Variants in GLIPR2 observed in about 807,000 individuals in gnomAD.
GLIPR2 encodes the protein GLI pathogenesis related 2.
A neutral mutation model predicts 20.4 loss-of-function variants in GLIPR2; 21 were observed. The ratio of observed to expected loss-of-function variants is 1.03; its 90% CI spans 0.73 to 1.48. GLIPR2 has a LOEUF of 1.48. Ranked by LOEUF, GLIPR2 falls within the 40% of genes most tolerant of loss-of-function variation. The pLI, the probability that GLIPR2 is intolerant of heterozygous loss-of-function variation, is 0.00. For missense variants in GLIPR2, 205 were observed against 200.1 expected, an observed-to-expected ratio of 1.02 and a Z score of -0.15; for synonymous variants, 91 against 80.5, an observed-to-expected ratio of 1.13 and a Z score of -0.70.
chr9:36,147,800 C>T lies in GLIPR2; in HGVS notation c.28C>T (p.His10Tyr), dbSNP rs1435808014. 1 of 1,538,234 alleles carries T rather than the reference C, an allele frequency of 6.5e-7. No homozygotes were observed. Among genetic ancestry groups the T allele is most frequent in the East Asian group, 2.2e-5 (1 of 44,520 alleles). Reference sequence around the variant, plus strand: ...AATCATTCCAGCTTCCAAACAGTTTCATAATGAGGTCCTGAAGGCCCACAA... The same window carrying T: ...AATCATTCCAGCTTCCAAACAGTTTTATAATGAGGTCCTGAAGGCCCACAA... MGKSASKQF[H>Y]NEVLKAHNEY... The change falls in exon 2 of 5, where the codon CAT becomes TAT. Residue 10 changes from histidine (H) to tyrosine (Y), a missense_variant. Coordinates refer to ENST00000377960, the MANE Select transcript of GLIPR2 (RefSeq NM_022343.4).
At chr9:36,150,063 A>T (rs1228039223) in intron 3 of GLIPR2, among the ~76,000 whole-genome samples, 1 of 152,164 alleles carries the variant, frequency 6.6e-6, no homozygotes, top group Non-Finnish European at 1.5e-5. Context: ...CAAACAAAAA[A>T]TGCCTGAGTC....
At chr9:36,158,019 G>A (rs1825911137) in intron 4 of GLIPR2, among the ~76,000 whole-genome samples, 1 of 151,996 alleles carries the variant, frequency 6.6e-6, no homozygotes, top group Non-Finnish European at 1.5e-5. Flanking sequence ...CATCACATTG[G>A]CCAGGGTGGT....
chr9:36,143,247 C>G (rs1048700628), intron 1 of GLIPR2, among the ~76,000 whole-genome samples: 1 of 152,180 alleles, frequency 6.6e-6, no homozygotes, highest in Non-Finnish European at 1.5e-5. Context: ...GCCACCTACT[C>G]CTCTGTCTCC....
In GLIPR2 at chr9:36,142,702, T is replaced by C. The variant is rs555217919; in HGVS notation, c.14-5084T>C. On this transcript the variant is annotated intron_variant, in intron 1 of 4. Transcript: ENST00000377960. Reference sequence around the variant, plus strand: ...AACTGGGAGATGGACGACTTTTCTTTGACTTTTTCTTCCTCCTCTTTATCT... The same window carrying C: ...AACTGGGAGATGGACGACTTTTCTTCGACTTTTTCTTCCTCCTCTTTATCT... 1.6e-3 allele frequency among the ~76,000 whole-genome samples: 242 copies of C among 152,222 alleles called. No homozygotes were observed. In the Middle Eastern group the frequency reaches 0.017, roughly 11 times the overall value.
chr9:36,158,036 C>T (rs1264806629), intron 4 of GLIPR2, among the ~76,000 whole-genome samples: 1 of 152,122 alleles, frequency 6.6e-6, no homozygotes, highest in Non-Finnish European at 1.5e-5. Context: ...TGGTCTTGAA[C>T]TCCTGACCTC....
intron 4 of GLIPR2, among the ~76,000 whole-genome samples, chr9:36,154,434 C>CAAG (rs1825740919): frequency 6.6e-6 from 1 of 152,102 alleles, no homozygotes; most frequent in Admixed American, 6.6e-5. Context: ...GAGCGTATGA[C>CAAG]CTGTTTTATG....
At chr9:36,144,593 A>T (rs1825245651) in intron 1 of GLIPR2, 1 of 152,052 alleles carries the variant, frequency 6.6e-6, no homozygotes, top group South Asian at 2.1e-4. Flanking sequence ...TTCCACCTCC[A>T]TGTCTCCCCA....
intron 1 of GLIPR2, 138 bp from the exon 2 acceptor site, chr9:36,147,648 G>A (rs2132735735): frequency 3.0e-6 from 2 of 670,240 alleles, no homozygotes; most frequent in Middle Eastern, 2.5e-4. Context: ...CTTGGCTGGG[G>A]TGCCAGGTGT....
Position 36,158,233 on chromosome 9 carries a change from T to C in GLIPR2, c.305-4129T>C, listed in dbSNP as rs190744902. On this transcript the variant is annotated intron_variant, in intron 4 of 4. Coordinates refer to ENST00000377960, the MANE Select transcript of GLIPR2 (RefSeq NM_022343.4). ...ACCTAGAAGTGGAATTGCTGAGTCA[T>C]TGCAATTCTGTTTAATTTTTTGAGG... 5.7e-3 allele frequency among the ~76,000 whole-genome samples: 865 copies of C among 152,350 alleles called. 5 individuals carry two copies. The highest frequency in any genetic ancestry group is 9.6e-3 in the Admixed American group (147 of 15,306).
rs1355061265 is a variant in GLIPR2, at chr9:36,162,776, TC to T, written c.*256del. The T allele has an allele frequency of 1.9e-6, 1 of 534,740 alleles. No homozygotes were observed. The highest frequency in any genetic ancestry group is 3.8e-5 in the East Asian group (1 of 26,414). The allele number at this position is 534,740 out of a possible 1,614,324, so 33.1% of individuals were successfully genotyped here. A position where few individuals can be genotyped will look rare whatever the true frequency, so the allele number is the denominator to read the frequency against. On this transcript the variant is annotated 3_prime_UTR_variant, in exon 5 of 5. Coordinates refer to ENST00000377960, the MANE Select transcript of GLIPR2 (RefSeq NM_022343.4). ...TTATTTGGATTGGGGGGAGGGGGGA[TC>T]CGTTTTTTTTTTTTAATTTTTTGTT...
At position 36,147,856 on chromosome 9, in the gene GLIPR2, A is replaced by C; in HGVS notation, c.84A>C (p.Pro28=). 1.3e-6 allele frequency: 2 copies of C among 1,593,312 alleles called. No homozygotes were observed. Among genetic ancestry groups the C allele is most frequent in the Non-Finnish European group, 1.7e-6 (2 of 1,161,064 alleles). The change falls in exon 2 of 5, where the codon CCA becomes CCC. Residue 28 remains proline, a synonymous_variant. Transcript: ENST00000377960. ...NEYRQKHGVP[P]LKLCKNLNRE... is the part of the protein sequence containing the mutation. ...ACCGGCAGAAGCACGGCGTCCCCCCACTGAAGCTCTGCAAGAACCTCAACC... is the reference window on the plus strand; with the variant it reads ...ACCGGCAGAAGCACGGCGTCCCCCCCCTGAAGCTCTGCAAGAACCTCAACC...
At chr9:36,148,935 G>A (rs553705191) in intron 3 of GLIPR2, among the ~76,000 whole-genome samples, 1 of 152,318 alleles carries the variant, frequency 6.6e-6, no homozygotes, top group South Asian at 2.1e-4. Flanking sequence ...AGGAGTGGGG[G>A]TTGGGGAGAC....
chr9:36,152,075 T>C (rs1184201236), intron 4 of GLIPR2, among the ~76,000 whole-genome samples: 2 of 152,204 alleles, frequency 1.3e-5, no homozygotes, highest in African/African-American at 4.8e-5. Flanking sequence ...GGTGGGGGTT[T>C]CTGCAACCAT....
chr9:36,148,429 T>A (rs1825435088), intron 2 of GLIPR2, 118 bp from the exon 3 acceptor site: 2 of 662,338 alleles, frequency 3.0e-6, no homozygotes, highest in African/African-American at 3.6e-5. Flanking sequence ...CATGCAAGAG[T>A]GGTGCTCCTC....
At position 36,162,774 on chromosome 9, in the gene GLIPR2, G is replaced by A. The variant is rs932279387; in HGVS notation, c.*252G>A. On this transcript the variant is annotated 3_prime_UTR_variant, in exon 5 of 5. Transcript: ENST00000377960. The stretch of plus-strand genomic sequence containing the variant: ...GATTATTTGGATTGGGGGGAGGGGG[G>A]ATCCGTTTTTTTTTTTTAATTTTTT... 2 of 560,138 alleles carry A rather than the reference G, an allele frequency of 3.6e-6. No homozygotes were observed. Among genetic ancestry groups the A allele is most frequent in the Non-Finnish European group, 6.4e-6 (2 of 314,310 alleles). The allele number at this position is 560,138 out of a possible 1,614,324, so 34.7% of individuals were successfully genotyped here.
chr9:36,159,072 A>AG (rs1825951657), intron 4 of GLIPR2, among the ~76,000 whole-genome samples: 1 of 152,204 alleles, frequency 6.6e-6, no homozygotes, highest in African/African-American at 2.4e-5. Context: ...CTCAAAAAAA[A>AG]AAGAATTTAT....
rs73438832 is a variant in GLIPR2 at position 36,142,040 on chromosome 9, T to G, written c.13+5249T>G. ...ATTTTAAGTCCCAAGTCTGGCCCCC[T>G]GGTAACCTGCACTCTGCAGTCCCTG... is the stretch of plus-strand genomic sequence containing the variant. On this transcript the variant is annotated intron_variant, in intron 1 of 4. Coordinates refer to ENST00000377960, the MANE Select transcript of GLIPR2 (RefSeq NM_022343.4). 9.3e-3 allele frequency among the ~76,000 whole-genome samples: 1,420 copies of G among 152,188 alleles called. 16 individuals are homozygous for G. The highest frequency in any genetic ancestry group is 0.031 in the African/African-American group (1,291 of 41,526).
intron 2 of GLIPR2, 55 bp from the exon 3 acceptor site, chr9:36,148,492 C>T (rs934566616): frequency 3.0e-5 from 40 of 1,332,958 alleles, no homozygotes; most frequent in Non-Finnish European, 4.3e-5. Flanking sequence ...GGGGCACATA[C>T]TTTGGGGGTT....
chr9:36,149,660 G>A (rs1825496368), intron 3 of GLIPR2, among the ~76,000 whole-genome samples: 1 of 152,202 alleles, frequency 6.6e-6, no homozygotes, highest in Non-Finnish European at 1.5e-5. Flanking sequence ...TCTACAGAGA[G>A]GGGGTTGGGT....
Sources: gnomAD v4.1 joint callset for allele counts (sites outside exome capture counted in the v4.1 genomes callset) on GRCh38, gnomAD v4.1.1 for gene constraint, MANE v1.5 for transcripts, NCBI Gene and HGNC (gene_info 2026-07-23, HGNC 2026-07-21) for gene names.